The following CLN6 variants were observed in gnomAD, a reference collection of about 807,000 sequenced individuals.
CLN6 encodes the protein CLN6 transmembrane ER protein.
CLN6 carries 22 observed loss-of-function variants against 33.3 expected under a neutral mutation model. That is an observed-to-expected ratio of 0.66 (90% CI 0.47 to 0.94). CLN6 has a LOEUF of 0.94. Among genes scored for constraint, CLN6 ranks in the 40% least tolerant of loss-of-function variants. The pLI is 0.00. For missense variants in CLN6, 387 were observed against 417.1 expected (o/e 0.93, Z 0.63); for synonymous variants, 201 against 174.6 (o/e 1.15, Z -1.19).
In CLN6 at chr15:68,211,950, G is replaced by C; in HGVS notation, c.298-87C>G. On this transcript the variant is annotated intron_variant, in intron 3 of 6. Transcript: ENST00000249806. The surrounding 1 kb of genome is among the most constrained non-coding windows in gnomAD (Gnocchi z 5.9). ...TGCTTCCCCCCTCACACCTGGGGTG[G>C]GATGGACGCTTCCAGCTGGAATGTC... 2 of 1,371,188 alleles carry C rather than the reference G, an allele frequency of 1.5e-6. No individual in the cohort carries two copies. Among genetic ancestry groups the C allele is most frequent in the Non-Finnish European group, 2.0e-6 (2 of 983,494 alleles). 84.9% of individuals were successfully genotyped at this position (1,371,188 alleles called of 1,614,324 possible). A position where few individuals can be genotyped will look rare whatever the true frequency, so the allele number is the denominator to read the frequency against.
In CLN6 at chr15:68,241,653, T is replaced by C. The variant is rs756777569; in HGVS notation, c.179+15037A>G. Among the ~76,000 whole-genome samples, 9 of 152,104 alleles carry C rather than the reference T, an allele frequency of 5.9e-5. No homozygotes were observed. Among genetic ancestry groups the C allele is most frequent in the Admixed American group, 2.0e-4 (3 of 15,280 alleles). ...GATACTATCCCTAGCCCTAGAAACATGGTTCTGTAACTCGGCCAAAGAAGA... is the reference window on the plus strand; with the variant it reads ...GATACTATCCCTAGCCCTAGAAACACGGTTCTGTAACTCGGCCAAAGAAGA... On this transcript the variant is annotated intron_variant, in intron 1 of 6. Transcript: ENST00000538696. The surrounding 1 kb of genome is among the most constrained non-coding windows in gnomAD (Gnocchi z 4.2).
chr15:68,240,654 A>C (rs1197910922), intron 1 of CLN6, among the ~76,000 whole-genome samples: 1 of 151,720 alleles, frequency 6.6e-6, no homozygotes, highest in Non-Finnish European at 1.5e-5. Context: ...GGGCCAGATA[A>C]AATAGATAAA....
Position 68,211,942 on chromosome 15 carries a change from C to G in CLN6, c.298-79G>C. 8 of 1,436,582 alleles carry G rather than the reference C, an allele frequency of 5.6e-6. No individual in the cohort carries two copies. The highest frequency in any genetic ancestry group is 1.4e-5 in the African/African-American group (1 of 71,862). 89.0% of individuals were successfully genotyped at this position (1,436,582 alleles called of 1,614,324 possible). Reference sequence around the variant, plus strand: ...ACACCCTCTGCTTCCCCCCTCACACCTGGGGTGGGATGGACGCTTCCAGCT... The same window carrying G: ...ACACCCTCTGCTTCCCCCCTCACACGTGGGGTGGGATGGACGCTTCCAGCT... On this transcript the variant is annotated intron_variant, in intron 3 of 6. Transcript: ENST00000249806. The surrounding 1 kb of genome is among the most constrained non-coding windows in gnomAD (Gnocchi z 5.9).
At chr15:68,255,945 C>G (rs1041592773) in intron 1 of CLN6, among the ~76,000 whole-genome samples, 2 of 152,002 alleles carry the variant, frequency 1.3e-5, no homozygotes, top group Non-Finnish European at 2.9e-5. Context: ...AGGTGCGGGC[C>G]ACCATGCCTG....
Position 68,209,385 on chromosome 15 carries a change from A to C in CLN6, c.665+252T>G, listed in dbSNP as rs2093197852. ...TGGGGCACAGAGCGAGAGGGGCTTGAGGATGGAGACAGACTGTGCAACCTC... is the reference window on the plus strand; with the variant it reads ...TGGGGCACAGAGCGAGAGGGGCTTGCGGATGGAGACAGACTGTGCAACCTC... On this transcript the variant is annotated intron_variant, in intron 6 of 6. Coordinates refer to ENST00000249806, the MANE Select transcript of CLN6 (RefSeq NM_017882.3). The surrounding 1 kb of genome is among the most constrained non-coding windows in gnomAD (Gnocchi z 4.9). Among the ~76,000 whole-genome samples the C allele has an allele frequency of 6.6e-6, 1 of 152,108 alleles. No homozygotes were observed. Among genetic ancestry groups the C allele is most frequent in the Non-Finnish European group, 1.5e-5 (1 of 68,002 alleles).
rs1483641854 is a variant in CLN6, at chr15:68,227,021, ACTTT to A, written c.83+2477_83+2480del. Among the ~76,000 whole-genome samples, 1 of 151,126 alleles carries A rather than the reference ACTTT, an allele frequency of 6.6e-6. No individual in the cohort carries two copies. Among genetic ancestry groups the A allele is most frequent in the African/African-American group, 2.4e-5 (1 of 41,154 alleles). On this transcript the variant is annotated intron_variant, in intron 1 of 6. Transcript: ENST00000249806. The surrounding 1 kb of genome is among the most constrained non-coding windows in gnomAD (Gnocchi z 4.1). ...ATTTATCACGGGCACTAATTATAAT[ACTTT>A]CTTTTCTTTTCTTTTTTTACTTTTT...
chr15:68,208,131 G>C lies in CLN6; in HGVS notation c.*9C>G, dbSNP rs1373212902. The C allele has an allele frequency of 1.9e-6, 3 of 1,608,356 alleles. No individual in the cohort carries two copies. Among genetic ancestry groups the C allele is most frequent in the Non-Finnish European group, 2.5e-6 (3 of 1,177,284 alleles). On this transcript the variant is annotated 3_prime_UTR_variant, in exon 7 of 7. Transcript: ENST00000249806. This position sits in a 1 kb window ranked among gnomAD's most constrained non-coding sequence, Gnocchi z 5.8. Reference sequence around the variant, plus strand: ...ACCCAGCAGAGCGCCAGAGCCTGGTGCCAGGGACTCAGTGCCGACTGCTGA... The same window carrying C: ...ACCCAGCAGAGCGCCAGAGCCTGGTCCCAGGGACTCAGTGCCGACTGCTGA...
rs1892441090 is a variant in CLN6, at chr15:68,256,703, A to T, written c.166T>A (p.Phe56Ile). 1 of 675,182 alleles carries T rather than the reference A, an allele frequency of 1.5e-6. No individual in the cohort carries two copies. The highest frequency in any genetic ancestry group is 1.8e-5 in the African/African-American group (1 of 55,832). 41.8% of individuals were successfully genotyped at this position (675,182 alleles called of 1,614,324 possible). A position where few individuals can be genotyped will look rare whatever the true frequency, so the allele number is the denominator to read the frequency against. ...CTTGAAACTTACTTTTTACCTTTGA[A>T]TTTGAGTTTTCTCAGCGAAGTCTCA... The change falls in exon 1 of 7, where the codon TTC becomes ATC. Residue 56 changes from phenylalanine to isoleucine, a missense_variant. Coordinates refer to the CLN6 transcript ENST00000538696. The surrounding 1 kb of genome is among the most constrained non-coding windows in gnomAD (Gnocchi z 4.1).
rs752672375 is a variant in CLN6 at position 68,211,250 on chromosome 15, G to A, written c.542+13C>T. Reference sequence around the variant, plus strand: ...TGGGGCCCCTGGGATAGACAGATGGGCCCATCACTCACCACATGCAGTGAC... The same window carrying A: ...TGGGGCCCCTGGGATAGACAGATGGACCCATCACTCACCACATGCAGTGAC... On this transcript the variant is annotated intron_variant, in intron 5 of 6. Coordinates refer to ENST00000249806, the MANE Select transcript of CLN6 (RefSeq NM_017882.3). The surrounding 1 kb of genome is among the most constrained non-coding windows in gnomAD (Gnocchi z 5.9). The A allele has an allele frequency of 6.2e-7, 1 of 1,613,286 alleles. No individual in the cohort carries two copies. The highest frequency in any genetic ancestry group is 1.7e-5 in the Admixed American group (1 of 60,034).
chr15:68,247,757 G>T lies in CLN6; in HGVS notation c.179+8933C>A, dbSNP rs1892341415. Among the ~76,000 whole-genome samples the T allele has an allele frequency of 1.3e-5, 2 of 152,128 alleles. No homozygotes were observed. Among genetic ancestry groups the T allele is most frequent in the African/African-American group, 2.4e-5 (1 of 41,416 alleles). The stretch of plus-strand genomic sequence containing the variant: ...AAACGAACAAACCTGGGTCAGGCAT[G>T]GTGGCTCATGCCTGTAATCTGAGCA... On this transcript the variant is annotated intron_variant, in intron 1 of 6. Transcript: ENST00000538696. The surrounding 1 kb of genome is among the most constrained non-coding windows in gnomAD (Gnocchi z 4.2).
At chr15:68,224,697 T>C (rs2093247166) in intron 1 of CLN6, among the ~76,000 whole-genome samples, 1 of 149,858 alleles carries the variant, frequency 6.7e-6, no homozygotes, top group Non-Finnish European at 1.5e-5. Flanking sequence ...GGGAGGCAGA[T>C]CATGGAATGG....
At chr15:68,233,831 A>G (rs1892190170), upstream of CLN6, among the ~76,000 whole-genome samples, 1 of 152,210 alleles carries the variant, frequency 6.6e-6, no homozygotes, top group South Asian at 2.1e-4. The surrounding 1 kb of genome is among the most constrained non-coding windows in gnomAD (Gnocchi z 4.3). Flanking sequence ...ACAAGGACAG[A>G]CAGCAAGGGA....
chr15:68,224,526 G>C (rs2093246581), intron 1 of CLN6, among the ~76,000 whole-genome samples: 1 of 149,644 alleles, frequency 6.7e-6, no homozygotes, highest in African/African-American at 2.5e-5. Context: ...GGAGGCTGAG[G>C]CATGAGAATT....
intron 2 of CLN6, chr15:68,218,285 GTA>G: frequency 2.3e-6 from 1 of 428,384 alleles, no homozygotes; most frequent in South Asian, 2.0e-5. Context: ...CAGTATTACA[GTA>G]TGACTGTTCA....
chr15:68,213,313 A>G (rs1246326541), intron 3 of CLN6: 6 of 151,746 alleles, frequency 4.0e-5, no homozygotes, highest in Admixed American at 3.3e-4. Flanking sequence ...ATCTTGGCTC[A>G]CTGCAACCTC....
chr15:68,235,459 T>A (rs1251228749), intron 1 of CLN6, among the ~76,000 whole-genome samples: 1 of 151,732 alleles, frequency 6.6e-6, no homozygotes, highest in Non-Finnish European at 1.5e-5. Context: ...ATTAGAGTGC[T>A]ACAGGAGACC....
At chr15:68,255,300 GGACCT>G (rs1892421621) in intron 1 of CLN6, among the ~76,000 whole-genome samples, 1 of 45,152 alleles carries the variant, frequency 2.2e-5, no homozygotes, top group African/African-American at 3.5e-5. Flanking sequence ...GACACCTGTT[GGACCT>G]GACCCCCCCC....
intron 1 of CLN6, among the ~76,000 whole-genome samples, chr15:68,225,055 C>A (rs186597111): frequency 6.6e-6 from 1 of 151,784 alleles, no homozygotes. Context: ...ACAAGTCAAG[C>A]GGTAACCCAC....
Position 68,214,325 on chromosome 15 carries a change from C to T in CLN6, c.262G>A (p.Ala88Thr). 2 of 1,614,058 alleles carry T rather than the reference C, an allele frequency of 1.2e-6. No homozygotes were observed. Among genetic ancestry groups the T allele is most frequent in the South Asian group, 2.2e-5 (2 of 91,082 alleles). The change falls in exon 3 of 7, where the codon GCC becomes ACC. Residue 88 changes from alanine (A) to threonine (T), a missense_variant. Coordinates refer to ENST00000249806, the MANE Select transcript of CLN6 (RefSeq NM_017882.3). ...AGAAAGGGCGTGATGACGTTGTAGG[C>T]CATGTGGAAGTAGTCCCCAACACTG... is the stretch of plus-strand genomic sequence containing the variant. ...KPSVGDYFHM[A>T]YNVITPFLLL...
Sources: allele counts gnomAD v4.1 joint callset (sites outside exome capture counted in the v4.1 genomes callset), GRCh38; gene constraint gnomAD v4.1.1; non-coding constraint Gnocchi (gnomAD v3.1); transcripts MANE v1.5; gene names NCBI Gene and HGNC (gene_info 2026-07-23, HGNC 2026-07-21).